Variants in KIFAP3 observed in about 807,000 individuals in gnomAD.
KIFAP3 encodes the protein kinesin-associated protein 3.
KIFAP3 carries 68 observed loss-of-function variants against 106.5 expected under a neutral mutation model. The ratio of observed to expected loss-of-function variants is 0.64; its 90% CI spans 0.53 to 0.78. KIFAP3 has a LOEUF of 0.78. Among genes scored for constraint, KIFAP3 ranks in the 30% least tolerant of loss-of-function variants. KIFAP3 has a pLI of 0.00. For synonymous variants in KIFAP3, 320 were observed against 311.5 expected (o/e 1.03, Z -0.29); for missense variants, 780 against 941.8 (o/e 0.83, Z 2.25).
At chr1:170,058,406 C>T (rs954170847) in intron 1 of KIFAP3, among the ~76,000 whole-genome samples, 3 of 152,152 alleles carry the variant, frequency 2.0e-5, no homozygotes, top group Admixed American at 1.3e-4. Context: ...GGCAGGACTG[C>T]TATGCATCTA....
upstream of KIFAP3, among the ~76,000 whole-genome samples, chr1:170,079,115 C>G (rs1671974706): frequency 6.6e-6 from 1 of 152,206 alleles, no homozygotes; most frequent in African/African-American, 2.4e-5. Flanking sequence ...TTGGGTGATG[C>G]AGACAGATCC....
chr1:170,011,748 C>A (rs1260970098), intron 10 of KIFAP3, among the ~76,000 whole-genome samples: 1 of 151,994 alleles, frequency 6.6e-6, no homozygotes, highest in Non-Finnish European at 1.5e-5. Flanking sequence ...AGTTTCCTTA[C>A]TATATCTTTT....
At position 170,074,491 on chromosome 1, in the gene KIFAP3, G is replaced by A. The variant is rs751052651; in HGVS notation, c.-24C>T. 1 of 1,607,484 alleles carries A rather than the reference G, an allele frequency of 6.2e-7. No individual in the cohort carries two copies. The highest frequency in any genetic ancestry group is 8.5e-7 in the Non-Finnish European group (1 of 1,174,850). On this transcript the variant is annotated 5_prime_UTR_variant, in exon 1 of 20. Transcript: ENST00000361580. Reference sequence around the variant, plus strand: ...ATGGCGGCAGCGGCAGCGGCGTGGAGAGGATGGGGTATCTTGAGAGGCAGG... The same window carrying A: ...ATGGCGGCAGCGGCAGCGGCGTGGAAAGGATGGGGTATCTTGAGAGGCAGG...
At chr1:170,037,381 A>C (rs951365641) in intron 5 of KIFAP3, among the ~76,000 whole-genome samples, 3 of 152,208 alleles carry the variant, frequency 2.0e-5, no homozygotes, top group Non-Finnish European at 2.9e-5. Flanking sequence ...TAATAAATAC[A>C]TCTTTCCTAT....
chr1:169,939,946 A>T (rs922779685), intron 19 of KIFAP3, among the ~76,000 whole-genome samples: 4 of 152,202 alleles, frequency 2.6e-5, no homozygotes, highest in African/African-American at 9.7e-5. Flanking sequence ...AAGGGAATTG[A>T]GAAACAGGAA....
intron 15 of KIFAP3, 29 bp from the exon 16 acceptor site, chr1:169,978,212 G>T (rs1406706785): frequency 1.4e-6 from 2 of 1,399,314 alleles, no homozygotes; most frequent in Non-Finnish European, 2.0e-6. Flanking sequence ...TTCAAATAAA[G>T]AATACTATGT....
At chr1:169,939,192 G>T (rs754863403) in intron 19 of KIFAP3, among the ~76,000 whole-genome samples, 25 of 152,256 alleles carry the variant, frequency 1.6e-4, no homozygotes, top group Admixed American at 5.9e-4. Flanking sequence ...GGTGGCAGAT[G>T]ATGGTGGCAT....
chr1:170,074,198 G>A (rs1416185756), intron 1 of KIFAP3, among the ~76,000 whole-genome samples: 2 of 152,048 alleles, frequency 1.3e-5, no homozygotes, highest in African/African-American at 2.4e-5. Flanking sequence ...ATGTAGCGAA[G>A]AAACCATCTT....
chr1:170,038,562 T>A (rs1458735798), intron 4 of KIFAP3, 131 bp from the exon 5 acceptor site: 7 of 876,868 alleles, frequency 8.0e-6, no homozygotes, highest in Non-Finnish European at 1.2e-5. Context: ...ATAGTAGCCA[T>A]CTTTTTGGAT....
At chr1:170,018,700 C>G (rs1478489370) in intron 9 of KIFAP3, among the ~76,000 whole-genome samples, 1 of 151,004 alleles carries the variant, frequency 6.6e-6, no homozygotes, top group Non-Finnish European at 1.5e-5. Flanking sequence ...TATTTTTGTT[C>G]CAATCTTTCA....
upstream of KIFAP3, among the ~76,000 whole-genome samples, chr1:170,079,363 A>G (rs1366655047): frequency 6.6e-6 from 1 of 152,198 alleles, no homozygotes; most frequent in African/African-American, 2.4e-5. Flanking sequence ...CTGAAGAACA[A>G]TGAACCAAAT....
intron 19 of KIFAP3, among the ~76,000 whole-genome samples, chr1:169,930,872 T>C (rs2101782537): frequency 6.6e-6 from 1 of 152,060 alleles, no homozygotes; most frequent in South Asian, 2.1e-4. Context: ...ATTAGCTCAG[T>C]CTATCATCTT....
chr1:170,034,860 G>T (rs1669597653), intron 6 of KIFAP3, among the ~76,000 whole-genome samples: 1 of 151,802 alleles, frequency 6.6e-6, no homozygotes, highest in Admixed American at 6.6e-5. Flanking sequence ...TGACATCAGA[G>T]AATTCGTAAA....
At chr1:170,013,296 C>G (rs1053472979) in intron 10 of KIFAP3, among the ~76,000 whole-genome samples, 1 of 151,812 alleles carries the variant, frequency 6.6e-6, no homozygotes, top group African/African-American at 2.4e-5. Flanking sequence ...ATAATATAAG[C>G]CTGGAGAACT....
chr1:169,978,226 T>G, intron 15 of KIFAP3, 43 bp from the exon 16 acceptor site: 1 of 1,251,036 alleles, frequency 8.0e-7, no homozygotes, highest in Non-Finnish European at 1.2e-6. Flanking sequence ...ACTATGTTTA[T>G]ATACCAAATT....
rs1557845251 is a variant in KIFAP3 at position 170,024,398 on chromosome 1, G to A, written c.1020+20C>T. Reference sequence around the variant, plus strand: ...AAATGGCAAAAATGAACTATTTCAAGAAAAAGCTTTGTAAGTTACCATATC... The same window carrying A: ...AAATGGCAAAAATGAACTATTTCAAAAAAAAGCTTTGTAAGTTACCATATC... On this transcript the variant is annotated intron_variant, in intron 9 of 19. Coordinates refer to ENST00000361580, the MANE Select transcript of KIFAP3 (RefSeq NM_014970.4). 1.4e-6 allele frequency: 2 copies of A among 1,477,938 alleles called. No homozygotes were observed. Among genetic ancestry groups the A allele is most frequent in the South Asian group, 2.6e-5 (2 of 75,506 alleles). The allele number at this position is 1,477,938 out of a possible 1,614,324, so 91.6% of individuals were successfully genotyped here.
At chr1:169,972,159 T>C (rs1009637450) in intron 17 of KIFAP3, among the ~76,000 whole-genome samples, 2 of 151,930 alleles carry the variant, frequency 1.3e-5, no homozygotes, top group African/African-American at 2.4e-5. Flanking sequence ...ATTTGATTTA[T>C]TAAAAAAATT....
intron 9 of KIFAP3, among the ~76,000 whole-genome samples, chr1:170,017,255 CAAAA>C (rs11417586): frequency 5.7e-5 from 4 of 70,134 alleles, no homozygotes; most frequent in African/African-American, 1.8e-4. Context: ...GAGACTGTCT[CAAAA>C]AAAAAAAAAA....
At position 169,961,069 on chromosome 1, in the gene KIFAP3, C is replaced by A; in HGVS notation, c.2150G>T (p.Arg717Ile). 2 of 1,612,450 alleles carry A rather than the reference C, an allele frequency of 1.2e-6. No individual in the cohort carries two copies. Among genetic ancestry groups the A allele is most frequent in the South Asian group, 2.2e-5 (2 of 90,832 alleles). Residue 717 changes from arginine to isoleucine, a missense_variant, in exon 18 of 20, where the codon AGA becomes ATA. Physicochemically the swap from Arg to Ile is moderately conservative, Grantham distance 97. Transcript: ENST00000361580. ...PYIHEGDILE[R>I]PDLFYNSDGL... The stretch of plus-strand genomic sequence containing the variant: ...ACCTGAGTTGTAGAAAAGGTCAGGT[C>A]TTTCGAGAATATCTCCTTCATGAAT...
Sources: allele counts gnomAD v4.1 joint callset (sites outside exome capture counted in the v4.1 genomes callset), GRCh38; gene constraint gnomAD v4.1.1; transcripts MANE v1.5; gene names NCBI Gene and HGNC (gene_info 2026-07-23, HGNC 2026-07-21).